The following TCEANC2 variants were observed in gnomAD, a reference collection of about 807,000 sequenced individuals.
The protein encoded by TCEANC2 is transcription elongation factor A N-terminal and central domain containing 2, also known as transcription elongation factor A N-terminal and central domain-containing protein 2.
TCEANC2 carries 20 observed loss-of-function variants against 22.8 expected under a neutral mutation model. The observed-to-expected ratio is 0.88, with a 90% confidence interval of 0.62 to 1.28. The LOEUF is 1.28. Ranked by LOEUF, TCEANC2 falls within the 50% of genes most tolerant of loss-of-function variation. TCEANC2 has a pLI of 0.00. For synonymous variants in TCEANC2, 84 were observed against 95.5 expected, an observed-to-expected ratio of 0.88 and a Z score of 0.70; for missense variants, 251 against 249.7, an observed-to-expected ratio of 1.01 and a Z score of -0.03.
In TCEANC2 at chr1:54,071,505, AC is replaced by A. The variant is rs1236161486; in HGVS notation, c.244+2609del. 3.9e-5 allele frequency among the ~76,000 whole-genome samples: 6 copies of A among 152,336 alleles called. 1 individual carries two copies. The South Asian group carries it at 1.2e-3, about 32-fold the overall frequency. ...GACATGGCAGCTGACTTTCCCCAGA[AC>A]AAGTGATCCAGGAAAGAACAAGAAA... On this transcript the variant is annotated intron_variant, in intron 3 of 4. Coordinates refer to ENST00000234827, the MANE Select transcript of TCEANC2 (RefSeq NM_153035.3).
rs1325573094 is a variant in TCEANC2, at chr1:54,097,609, GT to G, written c.*1139del. 1 of 152,188 alleles carries G rather than the reference GT, an allele frequency of 6.6e-6. No individual in the cohort carries two copies. Among genetic ancestry groups the G allele is most frequent in the African/African-American group, 2.4e-5 (1 of 41,434 alleles). 9.4% of individuals were successfully genotyped at this position (152,188 alleles called of 1,614,324 possible). A position where few individuals can be genotyped will look rare whatever the true frequency, so the allele number is the denominator to read the frequency against. On this transcript the variant is annotated 3_prime_UTR_variant, in exon 5 of 5. Transcript: ENST00000234827. The stretch of plus-strand genomic sequence containing the variant: ...AATACTAGGCACTTTTCCTAAGACA[GT>G]TTATTAACCTTTACCTGGATCTTTA...
intron 3 of TCEANC2, among the ~76,000 whole-genome samples, chr1:54,069,825 A>T (rs1285233107): frequency 2.0e-5 from 3 of 152,216 alleles, no homozygotes; most frequent in Admixed American, 6.5e-5. Context: ...GATATTTAAA[A>T]GGTAAGTCAG....
rs11588536 is a variant in TCEANC2, at chr1:54,078,966, C to T, written c.245-9631C>T. Among the ~76,000 whole-genome samples the T allele has an allele frequency of 5.3e-3, 802 of 152,226 alleles. 4 individuals carry two copies. Among genetic ancestry groups the T allele is most frequent in the Non-Finnish European group, 9.4e-3 (636 of 68,012 alleles). ...AAGTTGAGGGCCAACTAGCAAAACG[C>T]CTTTGGAGCTGGCAGTGATAAGGCC... On this transcript the variant is annotated intron_variant, in intron 3 of 4. Coordinates refer to ENST00000234827, the MANE Select transcript of TCEANC2 (RefSeq NM_153035.3).
At chr1:54,081,303 A>T (rs889983690) in intron 3 of TCEANC2, among the ~76,000 whole-genome samples, 5 of 152,164 alleles carry the variant, frequency 3.3e-5, no homozygotes, top group Non-Finnish European at 7.4e-5. Flanking sequence ...ATCATAGCTC[A>T]CTGCAGCCTC....
chr1:54,080,718 T>C (rs1394871600), intron 3 of TCEANC2, among the ~76,000 whole-genome samples: 1 of 152,238 alleles, frequency 6.6e-6, no homozygotes, highest in Non-Finnish European at 1.5e-5. Context: ...TATTTGGTAA[T>C]GTTTGGTAAA....
chr1:54,087,850 T>C (rs1167988939), intron 3 of TCEANC2, among the ~76,000 whole-genome samples: 2 of 152,248 alleles, frequency 1.3e-5, no homozygotes, highest in Non-Finnish European at 2.9e-5. Flanking sequence ...AGAATTTGTC[T>C]TGTTTCTTCA....
At position 54,096,420 on chromosome 1, in the gene TCEANC2, G is replaced by T; in HGVS notation, c.574G>T (p.Val192Leu). The change falls in exon 5 of 5, where the codon GTG (valine) becomes TTG (leucine). Residue 192 changes from valine (V) to leucine (L), a missense_variant. By Grantham distance (32) the Val-to-Leu change is conservative (BLOSUM62 1). Coordinates refer to ENST00000234827, the MANE Select transcript of TCEANC2 (RefSeq NM_153035.3). The surrounding 1 kb of genome is among the most constrained non-coding windows in gnomAD (Gnocchi z 4.9). ...LKHRAEIRAQ[V>L]KSGSLPVGTF... ...GCACCGAGCTGAAATCCGGGCTCAG[G>T]TGAAGAGCGGCTCGCTGCCAGTCGG... The T allele has an allele frequency of 6.2e-7, 1 of 1,613,220 alleles. No homozygotes were observed. Among genetic ancestry groups the T allele is most frequent in the Non-Finnish European group, 8.5e-7 (1 of 1,179,154 alleles).
Position 54,101,889 on chromosome 1 carries a change from C to G in TCEANC2, c.*5416C>G, listed in dbSNP as rs1010993414. ...GCCTCAAGTGAGCCTCCTGCCTTGG[C>G]CTTCCAAAGTGTTGGGATTACAGGC... is the stretch of plus-strand genomic sequence containing the variant. On this transcript the variant is annotated 3_prime_UTR_variant, in exon 5 of 5. Transcript: ENST00000234827. The G allele has an allele frequency of 3.9e-5, 6 of 152,250 alleles. No homozygotes were observed. The highest frequency in any genetic ancestry group is 1.4e-4 in the African/African-American group (6 of 41,454). The allele number at this position is 152,250 out of a possible 1,614,324, so 9.4% of individuals were successfully genotyped here. A position where few individuals can be genotyped will look rare whatever the true frequency, so the allele number is the denominator to read the frequency against.
chr1:54,062,343 T>C (rs1014004960), intron 2 of TCEANC2, among the ~76,000 whole-genome samples: 16 of 152,248 alleles, frequency 1.1e-4, no homozygotes, highest in African/African-American at 3.4e-4. Flanking sequence ...AGCAATCTAT[T>C]TTCTGGCCCA....
chr1:54,081,140 G>A (rs539744837), intron 3 of TCEANC2, among the ~76,000 whole-genome samples: 1 of 152,180 alleles, frequency 6.6e-6, no homozygotes, highest in South Asian at 2.1e-4. Context: ...TGTAAAATGG[G>A]GAACTATAGC....
At chr1:54,067,400 T>C (rs765987144) in intron 2 of TCEANC2, among the ~76,000 whole-genome samples, 1 of 152,144 alleles carries the variant, frequency 6.6e-6, no homozygotes, top group Non-Finnish European at 1.5e-5. Flanking sequence ...GTGCCCACAG[T>C]ATGGGAACTC....
At chr1:54,108,715 G>A (rs1658795002), downstream of TCEANC2, among the ~76,000 whole-genome samples, 1 of 152,328 alleles carries the variant, frequency 6.6e-6, no homozygotes, top group African/African-American at 2.4e-5. Context: ...GCTCATGCCT[G>A]TAATCCCAGC....
downstream of TCEANC2, among the ~76,000 whole-genome samples, chr1:54,106,529 G>A (rs1658758179): frequency 6.6e-6 from 1 of 152,174 alleles, no homozygotes; most frequent in Non-Finnish European, 1.5e-5. Flanking sequence ...AATGTGGTAT[G>A]TATTTTACTC....
chr1:54,059,045 G>A (rs1657803629), intron 2 of TCEANC2, among the ~76,000 whole-genome samples: 1 of 151,414 alleles, frequency 6.6e-6, no homozygotes, highest in South Asian at 2.1e-4. Flanking sequence ...AAGCCCTTCT[G>A]TTTCTTTTTA....
chr1:54,082,518 G>A (rs1658266369), intron 3 of TCEANC2, among the ~76,000 whole-genome samples: 1 of 152,214 alleles, frequency 6.6e-6, no homozygotes, highest in Admixed American at 6.5e-5. Context: ...GTAAGGTACA[G>A]GTTCTGCCCT....
chr1:54,100,605 A>C lies in TCEANC2; in HGVS notation c.*4132A>C, dbSNP rs1394656838. 6.6e-6 allele frequency: 1 copy of C among 152,276 alleles called. No individual in the cohort carries two copies. Among genetic ancestry groups the C allele is most frequent in the African/African-American group, 2.4e-5 (1 of 41,472 alleles). The allele number at this position is 152,276 out of a possible 1,614,324, so 9.4% of individuals were successfully genotyped here. On this transcript the variant is annotated 3_prime_UTR_variant, in exon 5 of 5. Coordinates refer to ENST00000234827, the MANE Select transcript of TCEANC2 (RefSeq NM_153035.3). ...AGAAGGATAGGTAGGAGTTCTTAGC[A>C]GAGGGCTCAGTCTATGTGAAAGCAC...
Position 54,068,941 on chromosome 1 carries a change from T to A in TCEANC2, c.244+44T>A, listed in dbSNP as rs756510052. 1.7e-5 allele frequency: 25 copies of A among 1,472,578 alleles called. No homozygotes were observed. The Admixed American group carries it at 6.4e-4, about 38-fold the overall frequency. 91.2% of individuals were successfully genotyped at this position (1,472,578 alleles called of 1,614,324 possible). ...TTATTTTTTAAGAAAGCTTATATTT[T>A]GTCTCCCTTCTTCTTTCCTTCCTCT... On this transcript the variant is annotated intron_variant, in intron 3 of 4. Coordinates refer to ENST00000234827, the MANE Select transcript of TCEANC2 (RefSeq NM_153035.3).
intron 2 of TCEANC2, among the ~76,000 whole-genome samples, chr1:54,058,651 CTTTG>C (rs1226792868): frequency 6.7e-6 from 1 of 150,318 alleles, no homozygotes; most frequent in African/African-American, 2.5e-5. Context: ...TCTTGCTGTT[CTTTG>C]TTTGTTTGCT....
chr1:54,060,255 A>T (rs1274867456), intron 2 of TCEANC2, among the ~76,000 whole-genome samples: 1 of 152,144 alleles, frequency 6.6e-6, no homozygotes, highest in African/African-American at 2.4e-5. Context: ...AAAATAAAAA[A>T]TTAGCTGGGC....
Sources: allele counts gnomAD v4.1 joint callset (sites outside exome capture counted in the v4.1 genomes callset), GRCh38; gene constraint gnomAD v4.1.1; non-coding constraint Gnocchi (gnomAD v3.1); transcripts MANE v1.5; gene names NCBI Gene and HGNC (gene_info 2026-07-23, HGNC 2026-07-21).